GRM7: variants seen among roughly 807,000 people sequenced by gnomAD.
GRM7 encodes the protein glutamate metabotropic receptor 7, also known as metabotropic glutamate receptor 7.
Under a neutral mutation model 84.5 loss-of-function variants are expected in GRM7, and 35 were observed. The ratio of observed to expected loss-of-function variants is 0.41; its 90% CI spans 0.32 to 0.55. The LOEUF is 0.55. Among genes scored for constraint, GRM7 ranks in the 20% least tolerant of loss-of-function variants. The pLI, the probability that GRM7 is intolerant of heterozygous loss-of-function variation, is 0.19. For synonymous variants in GRM7, 487 were observed against 455.1 expected, an observed-to-expected ratio of 1.07 and a Z score of -0.89; for missense variants, 1,003 against 1,194.6, an observed-to-expected ratio of 0.84 and a Z score of 2.36.
intron 4 of GRM7, among the ~76,000 whole-genome samples, chr3:7,352,057 CCACACA>C (rs56873432): frequency 0.22 from 30,363 of 136,814 alleles, 3,622 homozygotes; most frequent in South Asian, 0.32. Context: ...CACACACACA[CCACACA>C]CACACACACA....
intron 9 of GRM7, among the ~76,000 whole-genome samples, chr3:7,739,860 C>A (rs1416918252): frequency 6.6e-6 from 1 of 152,196 alleles, no homozygotes; most frequent in East Asian, 1.9e-4. Flanking sequence ...TTACAGTTAA[C>A]ACTATACAAG....
At chr3:7,464,416 C>T (rs1698376450) in intron 7 of GRM7, among the ~76,000 whole-genome samples, 1 of 152,114 alleles carries the variant, frequency 6.6e-6, no homozygotes, top group African/African-American at 2.4e-5. Flanking sequence ...GAAGCTCAGA[C>T]AACAGTTGTG....
chr3:7,287,862 G>C (rs1699484862), intron 2 of GRM7, among the ~76,000 whole-genome samples: 1 of 152,084 alleles, frequency 6.6e-6, no homozygotes, highest in Non-Finnish European at 1.5e-5. Flanking sequence ...AGAGGAAAAA[G>C]AGCTGCAGAT....
chr3:7,266,389 C>A (rs949107186), intron 2 of GRM7, among the ~76,000 whole-genome samples: 1 of 152,130 alleles, frequency 6.6e-6, no homozygotes, highest in African/African-American at 2.4e-5. Context: ...CGTAAAATCA[C>A]GTCATGGTAT....
intron 9 of GRM7, among the ~76,000 whole-genome samples, chr3:7,696,844 T>C (rs1452042201): frequency 6.6e-6 from 1 of 152,180 alleles, no homozygotes; most frequent in Non-Finnish European, 1.5e-5. Flanking sequence ...ATGTTTTACA[T>C]TAGCTAGAGG....
intron 5 of GRM7, among the ~76,000 whole-genome samples, chr3:7,429,406 T>G (rs1696740594): frequency 6.6e-6 from 1 of 152,222 alleles, no homozygotes. Context: ...CTCTACTAAT[T>G]TATTCAGCCA....
chr3:7,540,560 C>G (rs921839623), intron 7 of GRM7, among the ~76,000 whole-genome samples: 2 of 152,046 alleles, frequency 1.3e-5, no homozygotes, highest in Admixed American at 6.6e-5. Flanking sequence ...GTTGGCAGGA[C>G]TAAGGTGAAA....
intron 4 of GRM7, among the ~76,000 whole-genome samples, chr3:7,376,652 G>T (rs1159146297): frequency 6.6e-6 from 1 of 152,158 alleles, no homozygotes; most frequent in African/African-American, 2.4e-5. Context: ...AAGTTTTATT[G>T]AACCATGCTC....
intron 7 of GRM7, among the ~76,000 whole-genome samples, chr3:7,540,273 G>C (rs1692800638): frequency 6.6e-6 from 1 of 152,160 alleles, no homozygotes; most frequent in Admixed American, 6.5e-5. Context: ...CACAAGACTT[G>C]GACATAAATG....
At chr3:7,139,917 T>C (rs1012661512) in intron 1 of GRM7, among the ~76,000 whole-genome samples, 29 of 151,986 alleles carry the variant, frequency 1.9e-4, no homozygotes, top group African/African-American at 6.5e-4. Context: ...AACCAGTATC[T>C]GATAAGGAGA....
At chr3:7,739,475 C>A (rs1047956104) in intron 9 of GRM7, among the ~76,000 whole-genome samples, 2 of 152,112 alleles carry the variant, frequency 1.3e-5, no homozygotes, top group Admixed American at 1.3e-4. Flanking sequence ...GAAACTGATG[C>A]AAAACTACCA....
rs77631402 is a variant in GRM7, at chr3:7,194,331, T to G, written c.736+47663T>G. Reference sequence around the variant, plus strand: ...GATCTGTGGCATGATCTCATGGGAATGTTGTGATAGCCAAATGAGGTGAAG... The same window carrying G: ...GATCTGTGGCATGATCTCATGGGAAGGTTGTGATAGCCAAATGAGGTGAAG... On this transcript the variant is annotated intron_variant, in intron 2 of 9. Coordinates refer to ENST00000357716, the MANE Select transcript of GRM7 (RefSeq NM_000844.4). Among the ~76,000 whole-genome samples the G allele has an allele frequency of 1.1e-4, 17 of 152,284 alleles. 1 individual carries two copies. In the East Asian group the frequency reaches 3.3e-3, roughly 29 times the overall value.
chr3:7,338,307 G>A (rs964328075), intron 4 of GRM7, among the ~76,000 whole-genome samples: 3 of 151,880 alleles, frequency 2.0e-5, no homozygotes, highest in Non-Finnish European at 2.9e-5. Context: ...AGGATGCAAA[G>A]GCATAAGAAT....
intron 1 of GRM7, among the ~76,000 whole-genome samples, chr3:6,910,156 A>C (rs1452064615): frequency 6.6e-6 from 1 of 152,152 alleles, no homozygotes; most frequent in African/African-American, 2.4e-5. Flanking sequence ...AATATTTAGT[A>C]GATAGGGTAA....
intron 1 of GRM7, among the ~76,000 whole-genome samples, chr3:6,868,975 C>A (rs1230086342): frequency 1.3e-5 from 2 of 152,102 alleles, no homozygotes; most frequent in African/African-American, 4.8e-5. Flanking sequence ...GCAAGAAAGT[C>A]ACTTAAAGGG....
At chr3:7,371,322 A>T (rs938591871) in intron 4 of GRM7, among the ~76,000 whole-genome samples, 7 of 152,168 alleles carry the variant, frequency 4.6e-5, no homozygotes, top group Non-Finnish European at 7.3e-5. Flanking sequence ...TACACTTAGA[A>T]AGCACTAACC....
chr3:7,110,396 T>C (rs1219316309), intron 1 of GRM7, among the ~76,000 whole-genome samples: 1 of 151,568 alleles, frequency 6.6e-6, no homozygotes, highest in Non-Finnish European at 1.5e-5. Context: ...AGGTCAGGAG[T>C]TTAAGACCAG....
chr3:7,056,218 C>T (rs1697214545), intron 1 of GRM7, among the ~76,000 whole-genome samples: 1 of 152,032 alleles, frequency 6.6e-6, no homozygotes, highest in Admixed American at 6.6e-5. Flanking sequence ...CGCAGGGCTT[C>T]TGGCAGCCAC....
intron 7 of GRM7, among the ~76,000 whole-genome samples, chr3:7,570,238 T>G (rs1694579281): frequency 6.6e-6 from 1 of 152,016 alleles, no homozygotes. Context: ...CCAAAACCAA[T>G]CAAGCCTTCC....
Sources: gnomAD v4.1 joint callset for allele counts (sites outside exome capture counted in the v4.1 genomes callset) on GRCh38, gnomAD v4.1.1 for gene constraint, MANE v1.5 for transcripts, NCBI Gene and HGNC (gene_info 2026-07-23, HGNC 2026-07-21) for gene names.